The following PPP1R9A variants were observed in gnomAD, a reference collection of about 807,000 sequenced individuals.
PPP1R9A encodes neurabin-1.
In PPP1R9A, 59 loss-of-function variants were observed where a neutral mutation model predicts 141.9. The ratio of observed to expected loss-of-function variants is 0.42; its 90% CI spans 0.34 to 0.52. The LOEUF (loss-of-function observed/expected upper bound fraction) is 0.52, where lower values mean the gene tolerates loss of function less well. Among genes scored for constraint, PPP1R9A ranks in the 20% least tolerant of loss-of-function variants. The pLI, the probability that PPP1R9A is intolerant of heterozygous loss-of-function variation, is 0.10. For synonymous variants in PPP1R9A, 500 were observed against 569.7 expected (o/e 0.88, Z 1.74); for missense variants, 1,444 against 1,611.9 (o/e 0.90, Z 1.78).
intron 19 of PPP1R9A, among the ~76,000 whole-genome samples, 186 bp downstream of exon 19, chr7:95,288,904 C>G (rs1805857795): frequency 6.6e-6 from 1 of 152,108 alleles, no homozygotes; most frequent in Non-Finnish European, 1.5e-5. Flanking sequence ...ATCAGGGGTT[C>G]CAAATCAAAT....
At chr7:95,199,570 C>T (rs751471366) in intron 6 of PPP1R9A, among the ~76,000 whole-genome samples, 2 of 152,060 alleles carry the variant, frequency 1.3e-5, no homozygotes, top group Non-Finnish European at 2.9e-5. Context: ...ATATTCTCCA[C>T]TTATAGCAGA....
rs770451849 is a variant in PPP1R9A at position 95,286,311 on chromosome 7, C to G, written c.3715C>G (p.Leu1239Val). 1 of 1,613,330 alleles carries G rather than the reference C, an allele frequency of 6.2e-7. No homozygotes were observed. The highest frequency in any genetic ancestry group is 1.7e-5 in the Admixed American group (1 of 59,964). ...ACCAGGGCTCTCTCAGTCCTTAGCA[C>G]TGTCATCAGATGAGGTAATTCCATG... Reference protein sequence around the residue: ...KTPGLSQSLALSSDEILDDGQ... With the variant: ...KTPGLSQSLAVSSDEILDDGQ... Residue 1239 changes from leucine to valine, a missense_variant, in exon 18 of 20, where the codon CTG becomes GTG. By Grantham distance (32) the Leu-to-Val change is conservative. Around this residue, in one of 5 missense-constraint regions of PPP1R9A, gnomAD observed 459 missense variants for 513.8 expected, o/e 0.89. Coordinates refer to ENST00000433360, the MANE Select transcript of PPP1R9A (RefSeq NM_001166160.2).
chr7:94,918,897 G>A (rs1792419940), intron 2 of PPP1R9A, among the ~76,000 whole-genome samples: 1 of 152,308 alleles, frequency 6.6e-6, no homozygotes, highest in South Asian at 2.1e-4. Context: ...TAAGTGGCAT[G>A]ATGTGGGAGC....
chr7:95,016,844 G>A (rs1286341021), intron 2 of PPP1R9A, among the ~76,000 whole-genome samples: 1 of 152,086 alleles, frequency 6.6e-6, no homozygotes, highest in Non-Finnish European at 1.5e-5. Context: ...ATTGAATCGT[G>A]TACCTCAAGA....
At position 95,233,531 on chromosome 7, in the gene PPP1R9A, A is replaced by G. The variant is rs193030510; in HGVS notation, c.2112+7415A>G. 2.1e-3 allele frequency among the ~76,000 whole-genome samples: 313 copies of G among 152,172 alleles called. 2 individuals are homozygous for G. Among genetic ancestry groups the G allele is most frequent in the East Asian group, 3.3e-3 (17 of 5,188 alleles). On this transcript the variant is annotated intron_variant, in intron 8 of 19. Transcript: ENST00000433360. ...AAAGTATAATAAAAAAAAGAAAAAT[A>G]ATGTAAAAAATTGCCAACAAAAATA...
intron 16 of PPP1R9A, among the ~76,000 whole-genome samples, chr7:95,281,097 G>A (rs1437874678): frequency 6.6e-6 from 1 of 152,058 alleles, no homozygotes; most frequent in African/African-American, 2.4e-5. Flanking sequence ...TGTTCTCTAG[G>A]TCCGAGAAAT....
intron 4 of PPP1R9A, among the ~76,000 whole-genome samples, chr7:95,157,328 G>A (rs1173070802): frequency 6.6e-6 from 1 of 152,148 alleles, no homozygotes; most frequent in Non-Finnish European, 1.5e-5. Context: ...CCCTAGGGAA[G>A]TGGAGCTCCT....
intron 3 of PPP1R9A, among the ~76,000 whole-genome samples, chr7:95,117,624 A>G (rs1302873757): frequency 6.6e-6 from 1 of 152,196 alleles, no homozygotes; most frequent in Non-Finnish European, 1.5e-5. Context: ...TTAGAAACCA[A>G]GAAGTAATTT....
chr7:95,062,023 T>C (rs755969380), intron 2 of PPP1R9A, among the ~76,000 whole-genome samples: 2 of 152,190 alleles, frequency 1.3e-5, no homozygotes, highest in Non-Finnish European at 2.9e-5. Context: ...GCAGTGTAAT[T>C]GAGGAGAATT....
chr7:95,277,207 G>A (rs1803369290), intron 16 of PPP1R9A, among the ~76,000 whole-genome samples: 1 of 152,126 alleles, frequency 6.6e-6, no homozygotes, highest in Admixed American at 6.5e-5. Flanking sequence ...TTTTAAAGAG[G>A]CAAGACTTTC....
At chr7:95,236,053 T>G (rs1796633226) in intron 8 of PPP1R9A, among the ~76,000 whole-genome samples, 1 of 152,108 alleles carries the variant, frequency 6.6e-6, no homozygotes, top group Non-Finnish European at 1.5e-5. Context: ...ACTGCTCAGG[T>G]GATGGGTTTA....
At chr7:95,193,392 T>C (rs1358281833) in intron 5 of PPP1R9A, among the ~76,000 whole-genome samples, 1 of 152,076 alleles carries the variant, frequency 6.6e-6, no homozygotes, top group Middle Eastern at 3.2e-3. Context: ...TGATTTTGAA[T>C]ACAAAGCAAT....
intron 2 of PPP1R9A, among the ~76,000 whole-genome samples, chr7:94,968,036 T>C (rs983823767): frequency 6.6e-6 from 1 of 152,220 alleles, no homozygotes; most frequent in African/African-American, 2.4e-5. Flanking sequence ...TATTATTGTG[T>C]GGGAGTCTAA....
chr7:95,256,191 C>CAAAA (rs369030873), intron 12 of PPP1R9A, among the ~76,000 whole-genome samples: 1 of 135,378 alleles, frequency 7.4e-6, no homozygotes, highest in Non-Finnish European at 1.6e-5. Flanking sequence ...GATCCTGTCT[C>CAAAA]AAAAAAAAAA....
At chr7:95,277,493 A>G (rs1317945538) in intron 16 of PPP1R9A, among the ~76,000 whole-genome samples, 1 of 152,116 alleles carries the variant, frequency 6.6e-6, no homozygotes, top group African/African-American at 2.4e-5. Flanking sequence ...ACTATGGCAC[A>G]ATCACAGCTC....
intron 5 of PPP1R9A, among the ~76,000 whole-genome samples, chr7:95,181,437 T>TGGA (rs1363746256): frequency 7.5e-6 from 1 of 133,392 alleles, no homozygotes; most frequent in African/African-American, 2.8e-5. Flanking sequence ...AGAATATATA[T>TGGA]ATTCCATCAT....
chr7:95,062,640 G>A (rs148307592), intron 2 of PPP1R9A, among the ~76,000 whole-genome samples: 4 of 151,814 alleles, frequency 2.6e-5, no homozygotes, highest in East Asian at 1.9e-4. Context: ...TGCCCGCCTC[G>A]GCCTCCCAAA....
At chr7:94,912,935 T>C (rs967831751) in intron 2 of PPP1R9A, among the ~76,000 whole-genome samples, 1 of 152,124 alleles carries the variant, frequency 6.6e-6, no homozygotes, top group African/African-American at 2.4e-5. Flanking sequence ...AGATGGTCTT[T>C]AAAGGTGCCT....
intron 2 of PPP1R9A, among the ~76,000 whole-genome samples, chr7:95,100,036 A>G (rs1257625428): frequency 6.6e-6 from 1 of 152,010 alleles, no homozygotes; most frequent in East Asian, 1.9e-4. Context: ...TGTTACATAT[A>G]TATTTTACTT....
Sources: allele counts gnomAD v4.1 joint callset (sites outside exome capture counted in the v4.1 genomes callset), GRCh38; gene constraint gnomAD v4.1.1; regional missense constraint gnomAD v4.1.1; transcripts MANE v1.5; gene names NCBI Gene and HGNC (gene_info 2026-07-23, HGNC 2026-07-21).